The following IQCJ variants were observed in gnomAD, a reference collection of about 807,000 sequenced individuals.
The protein encoded by IQCJ is IQ domain-containing protein J.
A neutral mutation model predicts 11.0 loss-of-function variants in IQCJ; 9 were observed. That is an observed-to-expected ratio of 0.82 (90% CI 0.49 to 1.43). The LOEUF (loss-of-function observed/expected upper bound fraction) is 1.43, where lower values mean the gene tolerates loss of function less well. IQCJ is among the 40% of genes most tolerant of loss of function. IQCJ has a pLI of 0.00. For synonymous variants in IQCJ, 55 were observed against 51.3 expected, an observed-to-expected ratio of 1.07 and a Z score of -0.31; for missense variants, 146 against 133.2, an observed-to-expected ratio of 1.10 and a Z score of -0.47.
chr3:159,123,925 T>C (rs16829917), intron 1 of IQCJ, among the ~76,000 whole-genome samples: 4,577 of 152,214 alleles, frequency 0.03, 307 homozygotes, highest in East Asian at 0.25. Context: ...CTTCCTAGGT[T>C]CTACTGTATA....
chr3:159,069,469 C>T (rs1414227953), intron 1 of IQCJ, 28 bp downstream of exon 1: 3 of 1,604,680 alleles, frequency 1.9e-6, no homozygotes, highest in Middle Eastern at 1.7e-4. Context: ...CTAAACGTGC[C>T]ACTTTGATGT....
At chr3:159,192,938 A>C (rs148176675) in intron 1 of IQCJ, among the ~76,000 whole-genome samples, 38 of 152,350 alleles carry the variant, frequency 2.5e-4, no homozygotes, top group African/African-American at 9.1e-4. Context: ...AGCTGGTCTT[A>C]GGGTCACAGC....
intron 1 of IQCJ, among the ~76,000 whole-genome samples, chr3:159,198,798 C>T (rs1379349008): frequency 1.3e-5 from 2 of 152,254 alleles, no homozygotes; most frequent in East Asian, 3.9e-4. Flanking sequence ...CTTCACTGGG[C>T]TTTAAAAGCC....
chr3:159,215,861 T>C (rs1725195735), intron 1 of IQCJ, among the ~76,000 whole-genome samples: 2 of 152,008 alleles, frequency 1.3e-5, no homozygotes, highest in African/African-American at 4.8e-5. Flanking sequence ...TAATGATTTG[T>C]TTCATGTTTG....
At chr3:159,122,258 G>A (rs1384430256) in intron 1 of IQCJ, among the ~76,000 whole-genome samples, 1 of 152,156 alleles carries the variant, frequency 6.6e-6, no homozygotes, top group African/African-American at 2.4e-5. Context: ...CACATTGATG[G>A]TTAGGATTTC....
chr3:159,262,018 A>G (rs1728239445), intron 3 of IQCJ, among the ~76,000 whole-genome samples: 1 of 152,176 alleles, frequency 6.6e-6, no homozygotes, highest in Admixed American at 6.5e-5. Flanking sequence ...GGCCATGCAG[A>G]CTGTGCTGCA....
chr3:159,207,150 C>T (rs891467564), intron 1 of IQCJ, among the ~76,000 whole-genome samples: 1 of 152,162 alleles, frequency 6.6e-6, no homozygotes, highest in Non-Finnish European at 1.5e-5. Flanking sequence ...GCTTCTGAGC[C>T]CAGTAGCCTT....
At chr3:159,161,026 T>G (rs1431260429) in intron 1 of IQCJ, among the ~76,000 whole-genome samples, 2 of 152,214 alleles carry the variant, frequency 1.3e-5, no homozygotes, top group African/African-American at 2.4e-5. Flanking sequence ...GCATGATTTA[T>G]AGTCCTTTGG....
At chr3:159,243,211 A>G (rs1727041567) in intron 1 of IQCJ, among the ~76,000 whole-genome samples, 1 of 152,210 alleles carries the variant, frequency 6.6e-6, no homozygotes, top group Admixed American at 6.5e-5. Flanking sequence ...ACATGTATTT[A>G]CCTCATGAGG....
In IQCJ at chr3:159,089,397, C is replaced by T. The variant is rs930867848; in HGVS notation, c.9+19956C>T. ...TTTGGTGAATCTGACAATTATGTGT[C>T]TTGGAGTTGCTCTTCTCGAGGAGTA... is the stretch of plus-strand genomic sequence containing the variant. On this transcript the variant is annotated intron_variant, in intron 1 of 3. Transcript: ENST00000397832. 5.9e-3 allele frequency among the ~76,000 whole-genome samples: 893 copies of T among 152,058 alleles called. 4 individuals carry two copies. Among genetic ancestry groups the T allele is most frequent in the African/African-American group, 0.02 (846 of 41,454 alleles).
chr3:159,265,172 G>T, downstream of IQCJ: 1 of 1,538,764 alleles, frequency 6.5e-7, no homozygotes, highest in South Asian at 1.2e-5. Context: ...TAGTTGTTTG[G>T]AGTTTAGTGA....
At chr3:159,215,055 A>G (rs2108101913) in intron 1 of IQCJ, among the ~76,000 whole-genome samples, 1 of 152,310 alleles carries the variant, frequency 6.6e-6, no homozygotes, top group African/African-American at 2.4e-5. Flanking sequence ...CAGGTGAACA[A>G]GAGAAAAGTG....
At chr3:159,224,069 A>T (rs897349251) in intron 1 of IQCJ, among the ~76,000 whole-genome samples, 7 of 140,786 alleles carry the variant, frequency 5.0e-5, no homozygotes, top group African/African-American at 1.3e-4. Context: ...ATTTCCCACT[A>T]AAAAAAAAAA....
At position 159,228,802 on chromosome 3, in the gene IQCJ, C is replaced by CA. The variant is rs10711050; in HGVS notation, c.10-17027dup. On this transcript the variant is annotated intron_variant, in intron 1 of 3. Coordinates refer to ENST00000397832, the MANE Select transcript of IQCJ (RefSeq NM_001042706.3). The stretch of plus-strand genomic sequence containing the variant: ...TGGGCGACAGAGCGAGACTCCGTCT[C>CA]AAAAAAAAAAAAAAGTGATGGCCTG... Among the ~76,000 whole-genome samples the CA allele has an allele frequency of 5.9e-4, 84 of 142,734 alleles. 1 individual carries two copies. The highest frequency in any genetic ancestry group is 1.3e-3 in the East Asian group (6 of 4,632). The allele number at this position is 142,734 out of a possible 152,430, so 93.6% of individuals were successfully genotyped here.
At position 159,143,515 on chromosome 3, in the gene IQCJ, C is replaced by T. The variant is rs140945038; in HGVS notation, c.9+74074C>T. Among the ~76,000 whole-genome samples the T allele has an allele frequency of 3.6e-3, 552 of 152,266 alleles. 5 individuals are homozygous for T. Among genetic ancestry groups the T allele is most frequent in the African/African-American group, 0.013 (527 of 41,548 alleles). The stretch of plus-strand genomic sequence containing the variant: ...CTCTTCACCACAAAAGCTCCATGGA[C>T]GCTGTATTATTCTCCTGTTGCCTTA... On this transcript the variant is annotated intron_variant, in intron 1 of 3. Coordinates refer to ENST00000397832, the MANE Select transcript of IQCJ (RefSeq NM_001042706.3).
chr3:159,129,447 C>T (rs1258191483), intron 1 of IQCJ, among the ~76,000 whole-genome samples: 5 of 152,162 alleles, frequency 3.3e-5, no homozygotes, highest in Non-Finnish European at 7.4e-5. Flanking sequence ...GCCTTCTAAG[C>T]TTGTGGCACA....
chr3:159,122,944 T>C (rs557952963), intron 1 of IQCJ, among the ~76,000 whole-genome samples: 1 of 152,304 alleles, frequency 6.6e-6, no homozygotes, highest in East Asian at 1.9e-4. Flanking sequence ...GGTGATGATG[T>C]TATTATTATG....
rs149857925 is a variant in IQCJ, at chr3:159,246,594, G to A, written c.74+687G>A. ...ACTGGCTGAGCCCTAATGTACTCAG[G>A]ACTAGTCAAGCTGGTTGGGTGTCAT... On this transcript the variant is annotated intron_variant, in intron 2 of 3. Coordinates refer to ENST00000397832, the MANE Select transcript of IQCJ (RefSeq NM_001042706.3). 3.0e-3 allele frequency among the ~76,000 whole-genome samples: 451 copies of A among 152,234 alleles called. 1 individual carries two copies. Among genetic ancestry groups the A allele is most frequent in the African/African-American group, 0.01 (422 of 41,562 alleles).
At chr3:159,086,558 A>G (rs769025505) in intron 1 of IQCJ, among the ~76,000 whole-genome samples, 8 of 152,106 alleles carry the variant, frequency 5.3e-5, no homozygotes. Context: ...AGCATGGAAT[A>G]TTCTTCCATT....
Sources: allele counts gnomAD v4.1 joint callset (sites outside exome capture counted in the v4.1 genomes callset), GRCh38; gene constraint gnomAD v4.1.1; transcripts MANE v1.5; gene names NCBI Gene and HGNC (gene_info 2026-07-23, HGNC 2026-07-21).